Variants in CORO7 observed in about 807,000 individuals in gnomAD.
CORO7 encodes coronin 7.
Under a neutral mutation model 126.6 loss-of-function variants are expected in CORO7, and 107 were observed. The ratio of observed to expected loss-of-function variants is 0.85; its 90% CI spans 0.72 to 0.99. The LOEUF is 0.99. Ranked by LOEUF, CORO7 falls within the 50% of genes least tolerant of loss-of-function variation. CORO7 has a pLI of 0.00. For missense variants in CORO7, 1,314 were observed against 1,255.8 expected (o/e 1.05, Z -0.70); for synonymous variants, 603 against 536.8 (o/e 1.12, Z -1.70).
At chr16:4,387,177 AC>A (rs111594266) in intron 9 of CORO7, among the ~76,000 whole-genome samples, 9 of 149,014 alleles carry the variant, frequency 6.0e-5, no homozygotes, top group South Asian at 4.3e-4. Flanking sequence ...GTCTCTGAAC[AC>A]CCCCCCCAGC....
At chr16:4,360,593 G>A in intron 19 of CORO7, 45 bp from the exon 20 acceptor site, 1 of 1,550,592 alleles carries the variant, frequency 6.4e-7, no homozygotes, top group Non-Finnish European at 8.7e-7. Context: ...CTTCACTGCT[G>A]GCCCCACCTC....
At chr16:4,367,206 G>C (rs924881593) in intron 9 of CORO7, among the ~76,000 whole-genome samples, 1 of 152,188 alleles carries the variant, frequency 6.6e-6, no homozygotes, top group African/African-American at 2.4e-5. Context: ...AGGGTGAGCC[G>C]GGCTCAGCAA....
chr16:4,409,496 G>A (rs9972687), intron 3 of CORO7, among the ~76,000 whole-genome samples: 3,747 of 152,334 alleles, frequency 0.025, 161 homozygotes, highest in African/African-American at 0.085. Flanking sequence ...ATGCCCAGGG[G>A]TTGACACGCA....
chr16:4,414,648 T>C (rs1355241539), intron 1 of CORO7, among the ~76,000 whole-genome samples: 3 of 152,172 alleles, frequency 2.0e-5, no homozygotes, highest in Non-Finnish European at 4.4e-5. Context: ...AGATCACCTG[T>C]TCTCCCGCCT....
chr16:4,377,142 C>T (rs113238055), intron 9 of CORO7, among the ~76,000 whole-genome samples: 4,208 of 152,182 alleles, frequency 0.028, 186 homozygotes, highest in African/African-American at 0.093. Context: ...GGAGCAAGGC[C>T]GGCAGCAGCA....
At chr16:4,371,859 C>T (rs1424137851) in intron 9 of CORO7, 1 of 152,168 alleles carries the variant, frequency 6.6e-6, no homozygotes, top group East Asian at 1.9e-4. Context: ...ACTCCGGAGC[C>T]CGAGCCCGGG....
At chr16:4,408,508 G>T (rs969224552) in intron 3 of CORO7, among the ~76,000 whole-genome samples, 16 of 152,220 alleles carry the variant, frequency 1.1e-4, no homozygotes, top group African/African-American at 3.9e-4. Flanking sequence ...GAAGCCGCTT[G>T]AGTCACCAGG....
intron 1 of CORO7, among the ~76,000 whole-genome samples, chr16:4,416,103 G>A (rs1009984507): frequency 1.3e-5 from 2 of 152,152 alleles, no homozygotes; most frequent in Admixed American, 6.5e-5. Flanking sequence ...GCAGCGCCCC[G>A]AGCCCCGGCT....
At chr16:4,372,515 C>G (rs919236109) in intron 9 of CORO7, among the ~76,000 whole-genome samples, 1 of 152,166 alleles carries the variant, frequency 6.6e-6, no homozygotes, top group Non-Finnish European at 1.5e-5. Context: ...CGTCCGATGC[C>G]CATCCCTCCA....
At chr16:4,366,417 C>T (rs2054349172) in intron 9 of CORO7, among the ~76,000 whole-genome samples, 2 of 152,316 alleles carry the variant, frequency 1.3e-5, no homozygotes, top group East Asian at 3.9e-4. Context: ...AGCCCCTCAG[C>T]CCTGTGAGAG....
intron 6 of CORO7, among the ~76,000 whole-genome samples, chr16:4,404,865 C>T (rs2055939134): frequency 6.6e-6 from 1 of 152,150 alleles, no homozygotes; most frequent in Non-Finnish European, 1.5e-5. Flanking sequence ...AAATGCGAAT[C>T]CGCTCCCCTC....
intron 13 of CORO7, 40 bp from the exon 14 acceptor site, chr16:4,364,453 T>C (rs1596279708): frequency 6.7e-6 from 10 of 1,482,680 alleles, no homozygotes; most frequent in Non-Finnish European, 9.0e-6. Flanking sequence ...GGGCATGGGC[T>C]GCCCGGTCAG....
At chr16:4,356,938 A>G (rs2053994471) in intron 26 of CORO7, 1 of 595,304 alleles carries the variant, frequency 1.7e-6, no homozygotes, top group Middle Eastern at 4.6e-4. Flanking sequence ...CTGCCGGCTT[A>G]GGCTGGGTTT....
chr16:4,382,798 G>A (rs866863767), intron 9 of CORO7: 25 of 1,589,224 alleles, frequency 1.6e-5, no homozygotes, highest in African/African-American at 4.0e-5. Flanking sequence ...AACAGAGGGC[G>A]GTGGAGAGGC....
rs2056289337 is a variant in CORO7 at position 4,413,433 on chromosome 16, G to GTCA, written c.61-30_61-29insTGA. ...AAAATCAAGAGTAAAGAAGTATGTG[G>GTCA]TGAGAGCCAGGGTTCCACCTCCATG... On this transcript the variant is annotated intron_variant, in intron 1 of 27. Transcript: ENST00000251166. 1.9e-6 allele frequency: 3 copies of GTCA among 1,549,928 alleles called. No homozygotes were observed. The South Asian group carries it at 3.6e-5, about 18-fold the overall frequency.
chr16:4,412,931 G>T, intron 2 of CORO7: 1 of 241,316 alleles, frequency 4.1e-6, no homozygotes, highest in Non-Finnish European at 8.1e-6. Context: ...TAGCAATCAA[G>T]AGAGTGCCAA....
At chr16:4,391,752 A>G (rs974591396) in intron 7 of CORO7, among the ~76,000 whole-genome samples, 1 of 152,204 alleles carries the variant, frequency 6.6e-6, no homozygotes, top group Non-Finnish European at 1.5e-5. Flanking sequence ...AGCCTCAGAG[A>G]AGAGCCGTCT....
intron 6 of CORO7, among the ~76,000 whole-genome samples, chr16:4,398,925 A>G (rs55968819): frequency 2.2e-3 from 329 of 149,924 alleles, no homozygotes; most frequent in African/African-American, 7.5e-3. Context: ...CTGAGATGGC[A>G]CCATTGCACT....
intron 3 of CORO7, among the ~76,000 whole-genome samples, chr16:4,409,576 G>C (rs933909772): frequency 6.6e-6 from 1 of 152,256 alleles, no homozygotes; most frequent in Admixed American, 6.5e-5. Context: ...TGGAGGATGA[G>C]GACGCCAAAA....
Sources: gnomAD v4.1 joint callset for allele counts (sites outside exome capture counted in the v4.1 genomes callset) on GRCh38, gnomAD v4.1.1 for gene constraint, MANE v1.5 for transcripts, NCBI Gene and HGNC (gene_info 2026-07-23, HGNC 2026-07-21) for gene names.